VPS13B: variants seen among roughly 807,000 people sequenced by gnomAD.
VPS13B encodes the protein intermembrane lipid transfer protein VPS13B.
A neutral mutation model predicts 426.4 loss-of-function variants in VPS13B; 285 were observed. That is an observed-to-expected ratio of 0.67 (90% CI 0.61 to 0.74). The LOEUF is 0.74. VPS13B is among the 30% of genes least tolerant of loss of function. The pLI is 0.00. For synonymous variants in VPS13B, 1,676 were observed against 1,676.4 expected (o/e 1.00, Z 0.01); for missense variants, 4,537 against 4,782.6 (o/e 0.95, Z 1.51).
At chr8:99,710,521 GC>G (rs559978196) in intron 36 of VPS13B, among the ~76,000 whole-genome samples, 61 of 152,228 alleles carry the variant, frequency 4.0e-4, no homozygotes, top group Non-Finnish European at 8.4e-4. Context: ...AAAAAGAAAG[GC>G]CTGATGTCCC....
At chr8:99,235,504 T>C (rs1816590725) in intron 17 of VPS13B, among the ~76,000 whole-genome samples, 1 of 152,208 alleles carries the variant, frequency 6.6e-6, no homozygotes, top group Admixed American at 6.5e-5. Flanking sequence ...ACCCAAATTA[T>C]ACAGAATGTT....
intron 13 of VPS13B, among the ~76,000 whole-genome samples, chr8:99,143,813 T>G (rs1314283745): frequency 1.3e-5 from 2 of 152,218 alleles, no homozygotes; most frequent in Non-Finnish European, 2.9e-5. Context: ...ATACGTTTAG[T>G]TACTGTGACA....
At chr8:99,574,409 G>A (rs931431239) in intron 31 of VPS13B, among the ~76,000 whole-genome samples, 1 of 152,042 alleles carries the variant, frequency 6.6e-6, no homozygotes, top group Non-Finnish European at 1.5e-5. Context: ...TCCAGTTTTT[G>A]CCCATTCAGT....
intron 35 of VPS13B, among the ~76,000 whole-genome samples, chr8:99,692,275 T>C (rs1831710984): frequency 1.4e-5 from 2 of 147,428 alleles, no homozygotes; most frequent in South Asian, 2.3e-4. Context: ...TATTCCAAAA[T>C]TGACCACATA....
intron 35 of VPS13B, among the ~76,000 whole-genome samples, chr8:99,685,223 A>G (rs1261987120): frequency 6.6e-6 from 1 of 152,276 alleles, no homozygotes; most frequent in Non-Finnish European, 1.5e-5. Context: ...TGGAAATGCC[A>G]TGTGGGCAAT....
intron 5 of VPS13B, among the ~76,000 whole-genome samples, chr8:99,109,214 A>T (rs183499434): frequency 6.6e-6 from 1 of 152,250 alleles, no homozygotes. Context: ...CACATTTCTA[A>T]AGTAAGTACC....
intron 24 of VPS13B, among the ~76,000 whole-genome samples, chr8:99,469,246 G>A (rs1819276767): frequency 2.0e-5 from 3 of 148,434 alleles, no homozygotes; most frequent in African/African-American, 5.0e-5. Context: ...CACAGCTCAT[G>A]CAGCCTCAAA....
intron 33 of VPS13B, among the ~76,000 whole-genome samples, chr8:99,580,448 C>T (rs1375359995): frequency 6.6e-6 from 1 of 151,628 alleles, no homozygotes; most frequent in Non-Finnish European, 1.5e-5. Flanking sequence ...CTGCCTTGGC[C>T]TCCCAAACTG....
rs745928856 is a variant in VPS13B at position 99,871,642 on chromosome 8, A to G, written c.11690A>G (p.Gln3897Arg). The change falls in exon 61 of 62, where the codon CAG (glutamine) becomes CGG (arginine). Residue 3897 changes from glutamine (Q) to arginine (R), a missense_variant. Transcript: ENST00000357162. ...TEIDCAQDSK[Q>R]NNLLTVQLKQ... ...ATCGACTGTGCACAGGACAGCAAGCAGAACAACTTACTCACAGTGCAGCTC... is the reference window on the plus strand; with the variant it reads ...ATCGACTGTGCACAGGACAGCAAGCGGAACAACTTACTCACAGTGCAGCTC... 8.1e-6 allele frequency: 13 copies of G among 1,614,078 alleles called. No homozygotes were observed. The South Asian group carries it at 1.2e-4, about 15-fold the overall frequency.
intron 41 of VPS13B, among the ~76,000 whole-genome samples, chr8:99,778,441 GA>G (rs1395851804): frequency 1.3e-5 from 2 of 152,042 alleles, no homozygotes; most frequent in Non-Finnish European, 2.9e-5. Context: ...AATTTTTTGT[GA>G]AAGTTACTTT....
intron 30 of VPS13B, among the ~76,000 whole-genome samples, chr8:99,521,486 T>A (rs748002661): frequency 1.3e-5 from 2 of 152,202 alleles, no homozygotes; most frequent in Non-Finnish European, 2.9e-5. Context: ...CAGTAAACAC[T>A]TTCTGTGAAA....
intron 3 of VPS13B, among the ~76,000 whole-genome samples, chr8:99,068,867 T>G (rs988633993): frequency 1.3e-5 from 2 of 152,162 alleles, no homozygotes; most frequent in African/African-American, 4.8e-5. Flanking sequence ...AGATGAAATT[T>G]GGGTTGGTAC....
chr8:99,703,308 A>G (rs548970411), intron 36 of VPS13B, among the ~76,000 whole-genome samples: 14 of 152,204 alleles, frequency 9.2e-5, no homozygotes, highest in African/African-American at 3.4e-4. Flanking sequence ...GGAGTTTCAT[A>G]GGATTTGATT....
intron 30 of VPS13B, among the ~76,000 whole-genome samples, chr8:99,546,714 T>G (rs915644027): frequency 6.6e-6 from 1 of 152,018 alleles, no homozygotes; most frequent in African/African-American, 2.4e-5. Flanking sequence ...AATTTGGTAG[T>G]AGAATTGGAA....
intron 17 of VPS13B, among the ~76,000 whole-genome samples, chr8:99,231,625 A>G (rs182037730): frequency 2.6e-5 from 4 of 152,268 alleles, no homozygotes; most frequent in Non-Finnish European, 5.9e-5. Flanking sequence ...CTGGTTGTTG[A>G]TATCTTATTT....
intron 33 of VPS13B, among the ~76,000 whole-genome samples, chr8:99,620,320 C>T (rs968328336): frequency 1.3e-5 from 2 of 152,172 alleles, no homozygotes; most frequent in Non-Finnish European, 2.9e-5. Context: ...CCTCTTATGT[C>T]CCAAGCATTC....
At chr8:99,683,052 A>G (rs1831219820) in intron 35 of VPS13B, among the ~76,000 whole-genome samples, 1 of 152,214 alleles carries the variant, frequency 6.6e-6, no homozygotes, top group Non-Finnish European at 1.5e-5. Flanking sequence ...TTTTATATAC[A>G]GTATGAAGTT....
intron 19 of VPS13B, among the ~76,000 whole-genome samples, chr8:99,312,608 C>A (rs1224870006): frequency 6.6e-6 from 1 of 152,134 alleles, no homozygotes; most frequent in African/African-American, 2.4e-5. Context: ...AACATTTTTT[C>A]CTTCATTTCA....
At position 99,318,600 on chromosome 8, in the gene VPS13B, A is replaced by G. The variant is rs1053744040; in HGVS notation, c.2824+43346A>G. On this transcript the variant is annotated intron_variant, in intron 19 of 61. Transcript: ENST00000357162. ...AGTGGCATGATCTCAGTTCACTGCA[A>G]CCTCCACCTCCTGGGTTCAAGCGAT... Among the ~76,000 whole-genome samples the G allele has an allele frequency of 7.2e-5, 11 of 152,108 alleles. No homozygotes were observed. The East Asian group carries it at 1.9e-3, about 27-fold the overall frequency.
Sources: gnomAD v4.1 joint callset for allele counts (sites outside exome capture counted in the v4.1 genomes callset) on GRCh38, gnomAD v4.1.1 for gene constraint, MANE v1.5 for transcripts, NCBI Gene and HGNC (gene_info 2026-07-23, HGNC 2026-07-21) for gene names.